ARB2A: variants seen among roughly 807,000 people sequenced by gnomAD.
ARB2A encodes the protein ARB2 cotranscriptional regulator A, also known as cotranscriptional regulator ARB2A.
chr5:94,078,923 T>C, the ARB2A span, among the ~76,000 whole-genome samples: 3 of 152,082 alleles, frequency 2.0e-5, no homozygotes, highest in African/African-American at 4.8e-5. Flanking sequence ...TATGAAAGCA[T>C]TTTACAAACT....
the ARB2A span, among the ~76,000 whole-genome samples, chr5:93,798,746 C>T: frequency 1.3e-5 from 2 of 152,054 alleles, no homozygotes; most frequent in African/African-American, 4.8e-5. Context: ...CTCCAAGTTC[C>T]ACAACTGATA....
the ARB2A span, among the ~76,000 whole-genome samples, chr5:94,039,723 A>T: frequency 6.6e-6 from 1 of 152,136 alleles, no homozygotes; most frequent in African/African-American, 2.4e-5. Flanking sequence ...GGTCTGGATC[A>T]GGACCTCTTT....
At chr5:94,073,021 C>T in the ARB2A span, among the ~76,000 whole-genome samples, 1 of 152,086 alleles carries the variant, frequency 6.6e-6, no homozygotes, top group African/African-American at 2.4e-5. Flanking sequence ...ATCTGAAGCA[C>T]TTTTCAATTA....
At chr5:93,912,028 T>C in the ARB2A span, among the ~76,000 whole-genome samples, 1 of 151,714 alleles carries the variant, frequency 6.6e-6, no homozygotes, top group African/African-American at 2.4e-5. Context: ...AAAGTCGAAA[T>C]GAAGAGAAAT....
At chr5:94,083,909 A>T in the ARB2A span, among the ~76,000 whole-genome samples, 18 of 152,102 alleles carry the variant, frequency 1.2e-4, no homozygotes, top group African/African-American at 1.9e-4. Flanking sequence ...TATATTTTTT[A>T]AAAAAATTGT....
chr5:93,827,856 C>T, the ARB2A span, among the ~76,000 whole-genome samples: 1 of 152,014 alleles, frequency 6.6e-6, no homozygotes, highest in Non-Finnish European at 1.5e-5. Flanking sequence ...AATAGGGAAT[C>T]CTTTCCCCAT....
chr5:94,031,736 C>T, the ARB2A span, among the ~76,000 whole-genome samples: 1 of 152,150 alleles, frequency 6.6e-6, no homozygotes, highest in African/African-American at 2.4e-5. Flanking sequence ...TCTTCTAGGC[C>T]ACCCTTTAAG....
the ARB2A span, among the ~76,000 whole-genome samples, chr5:93,928,046 G>A: frequency 1.3e-5 from 2 of 151,658 alleles, no homozygotes; most frequent in African/African-American, 4.8e-5. Context: ...AGCAGGAACT[G>A]GAAGTTATGG....
the ARB2A span, among the ~76,000 whole-genome samples, chr5:93,868,013 A>G: frequency 7.2e-5 from 11 of 152,192 alleles, no homozygotes; most frequent in Admixed American, 7.2e-4. Flanking sequence ...GCAAATACAC[A>G]TATGTAATTC....
At chr5:94,094,012 G>C in the ARB2A span, among the ~76,000 whole-genome samples, 1 of 152,164 alleles carries the variant, frequency 6.6e-6, no homozygotes, top group Non-Finnish European at 1.5e-5. Flanking sequence ...TAAGGTTCAA[G>C]AATAATCTCC....
the ARB2A span, among the ~76,000 whole-genome samples, chr5:93,810,746 CT>C: frequency 2.0e-5 from 3 of 151,936 alleles, no homozygotes; most frequent in Admixed American, 6.6e-5. Flanking sequence ...AGAATCCTGC[CT>C]AATCTAGTGC....
the ARB2A span, among the ~76,000 whole-genome samples, chr5:94,070,122 AT>A: frequency 1.3e-5 from 2 of 152,154 alleles, no homozygotes; most frequent in Non-Finnish European, 2.9e-5. Flanking sequence ...AATGTGATAT[AT>A]ATATACAAAA....
At chr5:93,980,326 G>A in the ARB2A span, among the ~76,000 whole-genome samples, 4 of 152,258 alleles carry the variant, frequency 2.6e-5, no homozygotes, top group African/African-American at 7.2e-5. Flanking sequence ...TGTTTCAGCT[G>A]TCAGTCTAGC....
At chr5:93,744,833 G>C in the ARB2A span, among the ~76,000 whole-genome samples, 2 of 152,184 alleles carry the variant, frequency 1.3e-5, no homozygotes, top group East Asian at 3.9e-4. Flanking sequence ...TAAGTGATTA[G>C]ATTACAATGT....
At chr5:93,714,751 G>C in the ARB2A span, among the ~76,000 whole-genome samples, 2 of 152,106 alleles carry the variant, frequency 1.3e-5, no homozygotes, top group South Asian at 4.1e-4. Context: ...GCTCCACATA[G>C]TCTCCTGGTC....
At chr5:94,080,919 G>C in the ARB2A span, among the ~76,000 whole-genome samples, 21 of 152,094 alleles carry the variant, frequency 1.4e-4, no homozygotes, top group African/African-American at 5.1e-4. Context: ...TTTTCTAACG[G>C]TTTTCTGAAT....
At chr5:93,699,805 T>C in the ARB2A span, among the ~76,000 whole-genome samples, 1 of 151,590 alleles carries the variant, frequency 6.6e-6, no homozygotes, top group Non-Finnish European at 1.5e-5. Flanking sequence ...ACAGCCATTC[T>C]AGGTAGAAAC....
chr5:93,703,206 T>C, the ARB2A span, among the ~76,000 whole-genome samples: 1 of 152,300 alleles, frequency 6.6e-6, no homozygotes, highest in Non-Finnish European at 1.5e-5. Flanking sequence ...AATTCCCTGT[T>C]CCTCTTCCAG....
the ARB2A span, among the ~76,000 whole-genome samples, chr5:93,817,087 A>AAC: frequency 0.12 from 17,622 of 144,242 alleles, 1,076 homozygotes; most frequent in Middle Eastern, 0.18. Context: ...AATACACACA[A>AAC]ACACACACAC....
Sources: allele counts gnomAD v4.1 joint callset (sites outside exome capture counted in the v4.1 genomes callset), GRCh38; gene constraint gnomAD v4.1.1; transcripts MANE v1.5; gene names NCBI Gene and HGNC (gene_info 2026-07-23, HGNC 2026-07-21).